STK33: variants seen among roughly 807,000 people sequenced by gnomAD.
The protein encoded by STK33 is serine/threonine kinase 33.
A neutral mutation model predicts 58.0 loss-of-function variants in STK33; 52 were observed. That is an observed-to-expected ratio of 0.90 (90% CI 0.72 to 1.13). The LOEUF (loss-of-function observed/expected upper bound fraction) is 1.13. Among genes scored for constraint, STK33 ranks in the 50% most tolerant of loss-of-function variants. The probability of loss-of-function intolerance (pLI) is 0.00; values close to 1 mark genes in which losing one functional copy is unlikely to be tolerated. For missense variants in STK33, 630 were observed against 604.2 expected, an observed-to-expected ratio of 1.04 and a Z score of -0.45; for synonymous variants, 215 against 200.1, an observed-to-expected ratio of 1.07 and a Z score of -0.63.
rs1333042168 is a variant in STK33 at position 8,436,101 on chromosome 11, T to A, written c.986A>T (p.Glu329Val). ...TTTTCTTATTAACTCAAAAAGCTTC[T>A]CTTCTGAGCTTGCCAAAAAGGGTGG... ...GEPPFLASSE[E>V]KLFELIRKGE... Residue 329 changes from glutamate to valine, a missense_variant, in exon 13 of 16, where the codon GAG (glutamate) becomes GTG (valine). Transcript: ENST00000687296. 1 of 1,590,680 alleles carries A rather than the reference T, an allele frequency of 6.3e-7. No homozygotes were observed. Among genetic ancestry groups the A allele is most frequent in the African/African-American group, 1.3e-5 (1 of 74,232 alleles).
At chr11:8,445,404 T>G (rs1776206430) in intron 11 of STK33, among the ~76,000 whole-genome samples, 1 of 152,216 alleles carries the variant, frequency 6.6e-6, no homozygotes, top group African/African-American at 2.4e-5. Context: ...TGGCCAGAAC[T>G]TCCAATACTA....
At chr11:8,576,701 C>T (rs1227854644) in intron 1 of STK33, among the ~76,000 whole-genome samples, 1 of 152,112 alleles carries the variant, frequency 6.6e-6, no homozygotes, top group Non-Finnish European at 1.5e-5. Context: ...TACTACTATT[C>T]CCACTTTACA....
intron 1 of STK33, among the ~76,000 whole-genome samples, chr11:8,560,604 G>GT (rs1278704262): frequency 6.6e-6 from 1 of 152,080 alleles, no homozygotes; most frequent in Non-Finnish European, 1.5e-5. Flanking sequence ...TGGTCACTAG[G>GT]TTGAGAGTTA....
the STK33 span, among the ~76,000 whole-genome samples, chr11:8,353,122 C>T: frequency 6.6e-6 from 1 of 152,204 alleles, no homozygotes; most frequent in Non-Finnish European, 1.5e-5. Context: ...CAGAGAAACC[C>T]CACGAGAGGT....
chr11:8,573,898 G>A (rs1957996853), intron 1 of STK33, among the ~76,000 whole-genome samples: 1 of 152,172 alleles, frequency 6.6e-6, no homozygotes. Context: ...TGTTTCCAGG[G>A]GTTACAGATA....
chr11:8,384,918 A>G, the STK33 span, among the ~76,000 whole-genome samples: 2 of 151,974 alleles, frequency 1.3e-5, no homozygotes, highest in Non-Finnish European at 2.9e-5. Context: ...TTATTTTTCT[A>G]CAATCTCTCG....
intron 12 of STK33, 112 bp from the exon 13 acceptor site, chr11:8,436,251 G>A (rs992858132): frequency 1.4e-5 from 7 of 518,082 alleles, no homozygotes; most frequent in Admixed American, 1.1e-4. Flanking sequence ...TTAAGGAAAG[G>A]ATGGGAAGAG....
At chr11:8,451,198 T>C (rs1946233133) in intron 11 of STK33, among the ~76,000 whole-genome samples, 1 of 152,174 alleles carries the variant, frequency 6.6e-6, no homozygotes, top group African/African-American at 2.4e-5. Context: ...AAACTTAACA[T>C]ATGATCCAAC....
chr11:8,397,745 C>G (rs998756111), intron 15 of STK33, among the ~76,000 whole-genome samples: 1 of 151,896 alleles, frequency 6.6e-6, no homozygotes, highest in Non-Finnish European at 1.5e-5. Context: ...ACTAGGATAA[C>G]CAATGCACAG....
chr11:8,519,068 C>G (rs1372657757), intron 1 of STK33, among the ~76,000 whole-genome samples: 1 of 152,296 alleles, frequency 6.6e-6, no homozygotes, highest in East Asian at 1.9e-4. Context: ...ACAATTATTC[C>G]AAAATTGACC....
chr11:8,339,838 C>T, the STK33 span, among the ~76,000 whole-genome samples: 1 of 152,198 alleles, frequency 6.6e-6, no homozygotes, highest in Admixed American at 6.5e-5. Flanking sequence ...GGTCTCCTTT[C>T]CCATCTCCTC....
the STK33 span, among the ~76,000 whole-genome samples, chr11:8,370,493 G>C: frequency 6.6e-6 from 1 of 152,142 alleles, no homozygotes; most frequent in African/African-American, 2.4e-5. Context: ...CACCCTGCCA[G>C]GCCCCAAAGC....
intron 1 of STK33, among the ~76,000 whole-genome samples, chr11:8,518,178 G>A (rs577068912): frequency 5.6e-4 from 85 of 152,240 alleles, no homozygotes; most frequent in African/African-American, 2.0e-3. Flanking sequence ...GAGAGTGGGG[G>A]CAAATATTCA....
Position 8,473,165 on chromosome 11 carries a change from C to T in STK33, c.337G>A (p.Glu113Lys). 1 of 1,607,186 alleles carries T rather than the reference C, an allele frequency of 6.2e-7. No homozygotes were observed. ...HIRIENGAAIEEIYTFGRILG... is the reference protein window; with the variant it reads ...HIRIENGAAIKEIYTFGRILG... ...AGCTTCATTTGCTTTCTATATACCT[C>T]AATAGCAGCTCCATTCTCAATCCTT... Residue 113 changes from glutamate to lysine, a missense_variant and splice_region_variant, in exon 6 of 16, where the codon GAG (glutamate) becomes AAG (lysine). Coordinates refer to ENST00000687296, the MANE Select transcript of STK33 (RefSeq NM_001352389.2).
chr11:8,530,454 T>C (rs1357125500), intron 1 of STK33, among the ~76,000 whole-genome samples: 1 of 150,754 alleles, frequency 6.6e-6, no homozygotes, highest in African/African-American at 2.4e-5. Context: ...ATTACACATG[T>C]TGGAAAAATA....
rs202196252 is a variant in STK33, at chr11:8,502,920, A to G, written c.-465-22306T>C. Among the ~76,000 whole-genome samples the G allele has an allele frequency of 1.2e-4, 18 of 152,352 alleles. No individual in the cohort carries two copies. The East Asian group carries it at 3.3e-3, about 28-fold the overall frequency. ...TTAGAGAAATGCAAATCAAAACCAC[A>G]ATGAGATACCATTTCATACCAGTCA... On this transcript the variant is annotated intron_variant, in intron 1 of 15. Transcript: ENST00000687296.
chr11:8,413,854 C>A (rs186878393), intron 14 of STK33, among the ~76,000 whole-genome samples, 162 bp from the exon 15 acceptor site: 15 of 152,280 alleles, frequency 9.9e-5, no homozygotes, highest in Admixed American at 9.8e-4. Flanking sequence ...TGGAGTACAA[C>A]CCCTGTACTC....
At chr11:8,362,765 C>T in the STK33 span, among the ~76,000 whole-genome samples, 1 of 152,164 alleles carries the variant, frequency 6.6e-6, no homozygotes, top group Non-Finnish European at 1.5e-5. Flanking sequence ...GCTGCCCCTT[C>T]CTCAGCAGCA....
At chr11:8,443,772 G>A (rs371779868) in intron 11 of STK33, among the ~76,000 whole-genome samples, 45 of 152,272 alleles carry the variant, frequency 3.0e-4, no homozygotes, top group African/African-American at 9.6e-4. Flanking sequence ...GCCAAAACAG[G>A]AGGATCGCTT....
Sources: allele counts gnomAD v4.1 joint callset (sites outside exome capture counted in the v4.1 genomes callset), GRCh38; gene constraint gnomAD v4.1.1; transcripts MANE v1.5; gene names NCBI Gene and HGNC (gene_info 2026-07-23, HGNC 2026-07-21).